NMNAT3: variants seen among roughly 807,000 people sequenced by gnomAD.
NMNAT3 encodes the protein nicotinamide/nicotinic acid mononucleotide adenylyltransferase 3.
A neutral mutation model predicts 24.8 loss-of-function variants in NMNAT3; 21 were observed. That is an observed-to-expected ratio of 0.85 (90% CI 0.60 to 1.22). NMNAT3 has a LOEUF of 1.22. Ranked by LOEUF, NMNAT3 falls within the 50% of genes most tolerant of loss-of-function variation. The pLI is 0.00. For missense variants in NMNAT3, 387 were observed against 436.6 expected (o/e 0.89, Z 1.01); for synonymous variants, 136 against 155.2 (o/e 0.88, Z 0.92).
At chr3:139,605,048 T>C (rs2054881831) in intron 3 of NMNAT3, among the ~76,000 whole-genome samples, 1 of 152,142 alleles carries the variant, frequency 6.6e-6, no homozygotes, top group East Asian at 1.9e-4. Flanking sequence ...CCATAACTTA[T>C]CAGGTGTGTT....
At chr3:139,588,605 G>A (rs948248833) in intron 3 of NMNAT3, among the ~76,000 whole-genome samples, 8 of 152,062 alleles carry the variant, frequency 5.3e-5, no homozygotes, top group African/African-American at 1.9e-4. Context: ...CTCAGGAATC[G>A]GAGGAGCCAA....
chr3:139,627,656 C>T lies in NMNAT3; in HGVS notation c.69G>A (p.Leu23=), dbSNP rs1043699190. Reference sequence around the variant, plus strand: ...GATCTCTGGCCACCTCAAACATGCGCAGGTGCATGTTGGTGATGGGGTTAA... The same window carrying T: ...GATCTCTGGCCACCTCAAACATGCGTAGGTGCATGTTGGTGATGGGGTTAA... Residue 23 remains leucine, a synonymous_variant, in exon 3 of 7, where the codon CTG becomes CTA. Coordinates refer to ENST00000643695, the MANE Select transcript of NMNAT3 (RefSeq NM_001320510.2). 6.3e-7 allele frequency: 1 copy of T among 1,595,710 alleles called. No individual in the cohort carries two copies. Among genetic ancestry groups the T allele is most frequent in the Non-Finnish European group, 8.5e-7 (1 of 1,178,214 alleles).
intron 3 of NMNAT3, among the ~76,000 whole-genome samples, chr3:139,607,876 C>T (rs2055015560): frequency 6.6e-6 from 1 of 152,068 alleles, no homozygotes; most frequent in Non-Finnish European, 1.5e-5. Flanking sequence ...ATTTATTTTC[C>T]CTATAATTAT....
At position 139,653,184 on chromosome 3, in the gene NMNAT3, TTA is replaced by T. The variant is rs373020131; in HGVS notation, c.-140-15124_-140-15123del. Among the ~76,000 whole-genome samples, 168 of 152,306 alleles carry T rather than the reference TTA, an allele frequency of 1.1e-3. No individual in the cohort carries two copies. The South Asian group carries it at 0.032, about 29-fold the overall frequency. On this transcript the variant is annotated intron_variant, in intron 1 of 6. Coordinates refer to ENST00000643695, the MANE Select transcript of NMNAT3 (RefSeq NM_001320510.2). The stretch of plus-strand genomic sequence containing the variant: ...TGCCTACTCCATTTTATAAAATTAC[TTA>T]TGTTTGGATTAAATGGCTCCTAAGA...
chr3:139,579,880 A>AT (rs887079493), intron 4 of NMNAT3, among the ~76,000 whole-genome samples: 5 of 152,086 alleles, frequency 3.3e-5, no homozygotes, highest in South Asian at 2.1e-4. Flanking sequence ...TGATTGTGTG[A>AT]TTTTTTTTCT....
intron 1 of NMNAT3, among the ~76,000 whole-genome samples, chr3:139,650,749 C>T (rs1266266205): frequency 6.6e-6 from 1 of 152,140 alleles, no homozygotes; most frequent in Admixed American, 6.5e-5. Flanking sequence ...GCAGGAGATC[C>T]CTTCTGTGAA....
chr3:139,643,083 A>G (rs1027358100), intron 1 of NMNAT3, among the ~76,000 whole-genome samples: 8 of 152,262 alleles, frequency 5.3e-5, no homozygotes, highest in African/African-American at 1.7e-4. Flanking sequence ...TTCTTTAAAG[A>G]AAACATATGA....
chr3:139,570,504 C>T (rs982818136), intron 6 of NMNAT3: 13 of 152,094 alleles, frequency 8.5e-5, no homozygotes, highest in African/African-American at 2.9e-4. Flanking sequence ...ATGATGGTGA[C>T]GTATAGATGG....
At chr3:139,604,508 G>T (rs13319823) in intron 3 of NMNAT3, among the ~76,000 whole-genome samples, 1,572 of 152,266 alleles carry the variant, frequency 0.01, 7 homozygotes, top group Non-Finnish European at 0.017. Context: ...TTTAACTCCT[G>T]TATGAAAGGA....
Position 139,561,060 on chromosome 3 carries a change from T to A in NMNAT3, c.991A>T (p.Ser331Cys), listed in dbSNP as rs1936305389. 4 of 1,614,022 alleles carry A rather than the reference T, an allele frequency of 2.5e-6. No homozygotes were observed. Among genetic ancestry groups the A allele is most frequent in the Middle Eastern group, 3.4e-4 (2 of 5,958 alleles). The change falls in exon 7 of 7, where the codon AGT becomes TGT. Residue 331 changes from serine (S) to cysteine (C), a missense_variant. Physicochemically the swap from Ser to Cys is moderately radical, Grantham distance 112. This residue lies in a region of NMNAT3 where 323 missense variants were observed against 345.2 expected (regional missense o/e 0.94). Coordinates refer to ENST00000643695, the MANE Select transcript of NMNAT3 (RefSeq NM_001320510.2). ...TGGGTGCTTTTGCCTTTCCAGGTAC[T>A]GCCCTTGGTGTAGAGGCCATGGTCC...
intron 1 of NMNAT3, among the ~76,000 whole-genome samples, chr3:139,668,119 C>G (rs993039608): frequency 6.6e-6 from 1 of 152,004 alleles, no homozygotes; most frequent in African/African-American, 2.4e-5. Flanking sequence ...ACTAAAAATG[C>G]CAGCAGAGGA....
chr3:139,581,313 T>C (rs1459503980), intron 4 of NMNAT3, among the ~76,000 whole-genome samples: 2 of 150,358 alleles, frequency 1.3e-5, no homozygotes, highest in Non-Finnish European at 3.0e-5. Context: ...ATATGTAATT[T>C]TCATTAATTT....
chr3:139,677,679 T>C (rs1200005939), intron 1 of NMNAT3, 26 bp downstream of exon 1: 4 of 152,042 alleles, frequency 2.6e-5, no homozygotes, highest in Non-Finnish European at 5.9e-5. Flanking sequence ...CCTAGTGGGC[T>C]GACGAGGGGC....
At chr3:139,623,487 T>C (rs1163876006) in intron 3 of NMNAT3, among the ~76,000 whole-genome samples, 1 of 152,168 alleles carries the variant, frequency 6.6e-6, no homozygotes, top group African/African-American at 2.4e-5. Flanking sequence ...AGGATAAAAG[T>C]ATAGTATAGT....
intron 2 of NMNAT3, chr3:139,635,312 T>C (rs1576703916): frequency 6.6e-6 from 1 of 152,188 alleles, no homozygotes; most frequent in East Asian, 1.9e-4. Flanking sequence ...CACTGAAGGG[T>C]GCTGATGAGG....
chr3:139,586,688 T>C (rs2053953315), intron 3 of NMNAT3, among the ~76,000 whole-genome samples: 1 of 152,144 alleles, frequency 6.6e-6, no homozygotes, highest in South Asian at 2.1e-4. Context: ...CCAGGCTATA[T>C]TGAGAGAGAA....
intron 3 of NMNAT3, among the ~76,000 whole-genome samples, chr3:139,625,182 A>G (rs2055997692): frequency 6.6e-6 from 1 of 152,208 alleles, no homozygotes; most frequent in South Asian, 2.1e-4. Flanking sequence ...TAGTGTTAGC[A>G]TAGGACAGTT....
At chr3:139,661,151 G>C (rs1429565557) in intron 1 of NMNAT3, among the ~76,000 whole-genome samples, 4 of 152,144 alleles carry the variant, frequency 2.6e-5, no homozygotes, top group African/African-American at 4.8e-5. Context: ...TTATTTACTT[G>C]ATTGCAGATT....
At chr3:139,564,408 C>T (rs1936867084) in intron 6 of NMNAT3, among the ~76,000 whole-genome samples, 1 of 152,190 alleles carries the variant, frequency 6.6e-6, no homozygotes, top group Admixed American at 6.5e-5. Flanking sequence ...AGATAAAGGG[C>T]CTGCTCTGTT....
Sources: allele counts gnomAD v4.1 joint callset (sites outside exome capture counted in the v4.1 genomes callset), GRCh38; gene constraint gnomAD v4.1.1; regional missense constraint gnomAD v4.1.1; transcripts MANE v1.5; gene names NCBI Gene and HGNC (gene_info 2026-07-23, HGNC 2026-07-21).